PHTF2: variants seen among roughly 807,000 people sequenced by gnomAD.
PHTF2 encodes protein PHTF2.
PHTF2 carries 60 observed loss-of-function variants against 101.2 expected under a neutral mutation model. The observed-to-expected ratio is 0.59, with a 90% CI of 0.48 to 0.73. PHTF2 has a LOEUF of 0.73. Among genes scored for constraint, PHTF2 ranks in the 30% least tolerant of loss-of-function variants. PHTF2 has a pLI of 0.00. For missense variants in PHTF2, 747 were observed against 908.7 expected (o/e 0.82, Z 2.29); for synonymous variants, 311 against 307.3 (o/e 1.01, Z -0.13).
intron 1 of PHTF2, among the ~76,000 whole-genome samples, chr7:77,837,141 T>A (rs1584447233): frequency 1.3e-5 from 2 of 152,318 alleles, no homozygotes; most frequent in Middle Eastern, 6.8e-3. Flanking sequence ...TGCATCATAA[T>A]ACCCATCCTT....
Position 77,893,622 on chromosome 7 carries a change from T to C in PHTF2, c.162T>C (p.Asp54=), listed in dbSNP as rs1286438176. Residue 54 remains aspartate, a synonymous_variant, in exon 4 of 20, where the codon GAT becomes GAC. Transcript: ENST00000416283. ...TCTTTTCATAGATTGGAGCATATGA[T>C]CAACAAATATGGGAAAAATCTGTTG... 3 of 1,419,742 alleles carry C rather than the reference T, an allele frequency of 2.1e-6. No individual in the cohort carries two copies. In the East Asian group the frequency reaches 6.9e-5, roughly 33 times the overall value. The allele number at this position is 1,419,742 out of a possible 1,614,324, so 87.9% of individuals were successfully genotyped here. A position where few individuals can be genotyped will look rare whatever the true frequency, so the allele number is the denominator to read the frequency against.
chr7:77,879,898 C>T (rs1799266648), intron 3 of PHTF2, among the ~76,000 whole-genome samples: 1 of 152,306 alleles, frequency 6.6e-6, no homozygotes, highest in East Asian at 1.9e-4. Context: ...AGCATCTAGC[C>T]TAACACCTAA....
chr7:77,882,774 G>C (rs1280965270), intron 3 of PHTF2, among the ~76,000 whole-genome samples: 1 of 152,122 alleles, frequency 6.6e-6, no homozygotes, highest in African/African-American at 2.4e-5. Flanking sequence ...ATTTGAAAGA[G>C]TTGCTAGCTT....
At chr7:77,893,837 G>T (rs926546217) in intron 4 of PHTF2, 145 bp from the exon 4 acceptor site, 52 of 703,066 alleles carry the variant, frequency 7.4e-5, no homozygotes, top group Non-Finnish European at 1.1e-4. Context: ...CCTGATGTTG[G>T]TTTTTTCTTT....
chr7:77,843,378 A>G (rs1409904129), intron 2 of PHTF2, among the ~76,000 whole-genome samples: 2 of 152,086 alleles, frequency 1.3e-5, no homozygotes, highest in Non-Finnish European at 2.9e-5. Flanking sequence ...ATTCAGGTTT[A>G]TCTCTTCCCT....
chr7:77,812,439 G>A (rs1167981617), intron 1 of PHTF2, among the ~76,000 whole-genome samples: 1 of 152,120 alleles, frequency 6.6e-6, no homozygotes, highest in African/African-American at 2.4e-5. Flanking sequence ...CATAATTTGT[G>A]TGTACTGTAA....
intron 2 of PHTF2, among the ~76,000 whole-genome samples, chr7:77,842,992 A>G (rs930743227): frequency 6.6e-6 from 1 of 152,184 alleles, no homozygotes; most frequent in African/African-American, 2.4e-5. Flanking sequence ...TTGCTGACCC[A>G]CACTCTAAGA....
chr7:77,907,416 T>A (rs1302163328), intron 7 of PHTF2, among the ~76,000 whole-genome samples: 1 of 152,188 alleles, frequency 6.6e-6, no homozygotes, highest in Non-Finnish European at 1.5e-5. Context: ...AGAAACTAAA[T>A]GCAAACTAGC....
chr7:77,914,284 C>T (rs1276062288), intron 9 of PHTF2, among the ~76,000 whole-genome samples: 1 of 152,020 alleles, frequency 6.6e-6, no homozygotes, highest in African/African-American at 2.4e-5. Flanking sequence ...GTCAGGAAGG[C>T]TTCACATTTC....
At chr7:77,836,672 C>T (rs1003622316) in intron 1 of PHTF2, among the ~76,000 whole-genome samples, 27 of 152,114 alleles carry the variant, frequency 1.8e-4, no homozygotes, top group African/African-American at 6.3e-4. Flanking sequence ...TTTGCAGGGA[C>T]ATGGATGATG....
chr7:77,924,468 C>T (rs1253154085), intron 11 of PHTF2, among the ~76,000 whole-genome samples: 1 of 152,146 alleles, frequency 6.6e-6, no homozygotes, highest in Non-Finnish European at 1.5e-5. Flanking sequence ...ACTGTGGAAC[C>T]TCTTATAATA....
At chr7:77,903,852 C>T (rs1355806806) in intron 7 of PHTF2, among the ~76,000 whole-genome samples, 1 of 152,176 alleles carries the variant, frequency 6.6e-6, no homozygotes, top group Non-Finnish European at 1.5e-5. Flanking sequence ...TGAGTTATGT[C>T]CTCATTCTTG....
At chr7:77,816,383 CTT>C (rs1793856792) in intron 1 of PHTF2, among the ~76,000 whole-genome samples, 1 of 152,100 alleles carries the variant, frequency 6.6e-6, no homozygotes, top group African/African-American at 2.4e-5. Context: ...CATGAAATAA[CTT>C]TTAATAGTTT....
At chr7:77,936,974 G>A (rs1054679610) in intron 12 of PHTF2, among the ~76,000 whole-genome samples, 4 of 151,658 alleles carry the variant, frequency 2.6e-5, no homozygotes, top group African/African-American at 4.9e-5. Flanking sequence ...GTGAAACCCC[G>A]TCTCTACTAA....
intron 12 of PHTF2, among the ~76,000 whole-genome samples, chr7:77,931,349 A>G (rs58908923): frequency 0.055 from 8,304 of 152,320 alleles, 301 homozygotes; most frequent in South Asian, 0.15. Flanking sequence ...TACATTAACT[A>G]TCACAGTGTT....
At chr7:77,823,019 C>T (rs1794421639) in intron 1 of PHTF2, among the ~76,000 whole-genome samples, 1 of 150,838 alleles carries the variant, frequency 6.6e-6, no homozygotes, top group African/African-American at 2.4e-5. Flanking sequence ...ATTCTCCTGC[C>T]TCAGCCTCCC....
chr7:77,936,368 C>T (rs1805129310), intron 12 of PHTF2, among the ~76,000 whole-genome samples: 1 of 152,096 alleles, frequency 6.6e-6, no homozygotes, highest in African/African-American at 2.4e-5. Context: ...AATGCCAAAA[C>T]TATTGTTTTT....
chr7:77,815,316 A>G (rs992233907), intron 1 of PHTF2, among the ~76,000 whole-genome samples: 19 of 152,124 alleles, frequency 1.2e-4, no homozygotes, highest in African/African-American at 4.3e-4. Context: ...TTTAGCAAGC[A>G]GGCAGATTTG....
intron 1 of PHTF2, among the ~76,000 whole-genome samples, chr7:77,801,763 A>C (rs1408260276): frequency 6.6e-6 from 1 of 152,210 alleles, no homozygotes; most frequent in African/African-American, 2.4e-5. Context: ...ATGTATATGC[A>C]AATATTACAA....
Sources: allele counts gnomAD v4.1 joint callset (sites outside exome capture counted in the v4.1 genomes callset), GRCh38; gene constraint gnomAD v4.1.1; transcripts MANE v1.5; gene names NCBI Gene and HGNC (gene_info 2026-07-23, HGNC 2026-07-21).